The following DDX17 variants were observed in gnomAD, a reference collection of about 807,000 sequenced individuals.
The protein encoded by DDX17 is probable ATP-dependent RNA helicase DDX17.
Under a neutral mutation model 80.8 loss-of-function variants are expected in DDX17, and 10 were observed. The observed-to-expected ratio is 0.12, with a 90% CI of 0.08 to 0.21. DDX17 has a LOEUF of 0.21. Among genes scored for constraint, DDX17 ranks in the 10% least tolerant of loss-of-function variants. DDX17 has a pLI of 1.00. For synonymous variants in DDX17, 339 were observed against 336.2 expected, an observed-to-expected ratio of 1.01 and a Z score of -0.09; for missense variants, 586 against 957.4, an observed-to-expected ratio of 0.61 and a Z score of 5.12.
rs1047270013 is a variant in DDX17, at chr22:38,484,105, G to A, written c.*1830C>T. On this transcript the variant is annotated 3_prime_UTR_variant, in exon 13 of 13. Transcript: ENST00000403230. The stretch of plus-strand genomic sequence containing the variant: ...GAAAAAAACCCAGAATTTGGTTGTA[G>A]AAAACAATGCCCACAACAGACTGGC... 6.6e-6 allele frequency: 1 copy of A among 152,472 alleles called. No homozygotes were observed. The highest frequency in any genetic ancestry group is 6.6e-5 in the Admixed American group (1 of 15,256). 9.4% of individuals were successfully genotyped at this position (152,472 alleles called of 1,614,324 possible).
At chr22:38,503,395 G>A (rs2145712600) in intron 1 of DDX17, among the ~76,000 whole-genome samples, 1 of 152,216 alleles carries the variant, frequency 6.6e-6, no homozygotes, top group South Asian at 2.1e-4. Context: ...TTCCTGTTAA[G>A]GCTTTAAACT....
At position 38,506,068 on chromosome 22, in the gene DDX17, G is replaced by A. The variant is rs1244673695; in HGVS notation, c.170C>T (p.Pro57Leu). ...CGGGCTCGGGAGGGCCTGCGGCTCCGGTCTGGTGACGACCGATGGCGGCGG... is the reference window on the plus strand; with the variant it reads ...CGGGCTCGGGAGGGCCTGCGGCTCCAGTCTGGTGACGACCGATGGCGGCGG... The change falls in exon 1 of 13, where the codon CCG (proline) becomes CTG (leucine). Residue 57 changes from proline to leucine, a missense_variant. By Grantham distance (98) the Pro-to-Leu change is moderately conservative. Coordinates refer to ENST00000403230, the MANE Select transcript of DDX17 (RefSeq NM_006386.5). 5.0e-6 allele frequency: 8 copies of A among 1,584,792 alleles called. No individual in the cohort carries two copies. The highest frequency in any genetic ancestry group is 1.8e-5 in the Admixed American group (1 of 54,244).
intron 1 of DDX17, among the ~76,000 whole-genome samples, chr22:38,503,949 A>AT (rs2089855346): frequency 6.6e-6 from 1 of 152,232 alleles, no homozygotes; most frequent in Non-Finnish European, 1.5e-5. Flanking sequence ...TTCGTTTGAA[A>AT]TTTTTAAAAA....
intron 10 of DDX17, 173 bp downstream of exon 10, chr22:38,493,537 A>G (rs1569139133): frequency 3.3e-6 from 2 of 608,892 alleles, no homozygotes; most frequent in East Asian, 2.8e-5. Flanking sequence ...CTTTTGTCCT[A>G]AAACAGCAGT....
intron 2 of DDX17, among the ~76,000 whole-genome samples, chr22:38,500,914 T>C (rs2089822785): frequency 6.8e-6 from 1 of 147,154 alleles, no homozygotes; most frequent in Non-Finnish European, 1.5e-5. Context: ...GTAGTTTGCT[T>C]GAGCTAGGGA....
chr22:38,503,151 CAT>C (rs1491269927), intron 1 of DDX17, among the ~76,000 whole-genome samples: 1 of 152,162 alleles, frequency 6.6e-6, no homozygotes, highest in Non-Finnish European at 1.5e-5. Flanking sequence ...GTGTCAGCGA[CAT>C]ATTTAATATG....
intron 1 of DDX17, chr22:38,505,219 A>C (rs1334839638): frequency 6.6e-6 from 1 of 152,218 alleles, no homozygotes; most frequent in African/African-American, 2.4e-5. Context: ...CACAATACCA[A>C]GAACTTTCTA....
intron 1 of DDX17, among the ~76,000 whole-genome samples, chr22:38,503,993 T>C (rs539577035): frequency 6.6e-6 from 1 of 152,350 alleles, no homozygotes; most frequent in South Asian, 2.1e-4. Context: ...GGATCAGTAA[T>C]TCACTTTTTT....
chr22:38,489,770 C>A lies in DDX17; in HGVS notation c.1448-1655G>T. 1.0e-6 allele frequency: 1 copy of A among 985,450 alleles called. No homozygotes were observed. Among genetic ancestry groups the A allele is most frequent in the Non-Finnish European group, 1.2e-6 (1 of 830,026 alleles). The allele number at this position is 985,450 out of a possible 1,614,324, so 61.0% of individuals were successfully genotyped here. On this transcript the variant is annotated intron_variant, in intron 11 of 12. Transcript: ENST00000403230. The surrounding 1 kb of genome is among the most constrained non-coding windows in gnomAD (Gnocchi z 4.6). ...ACGAGAAGGCACTTATCACAGGGGG[C>A]AGCTTGAGTCTCCGGCTAGGGTCGT... is the stretch of plus-strand genomic sequence containing the variant.
intron 1 of DDX17, among the ~76,000 whole-genome samples, chr22:38,502,304 C>G (rs1270257560): frequency 6.6e-6 from 1 of 151,326 alleles, no homozygotes; most frequent in Non-Finnish European, 1.5e-5. Flanking sequence ...TCCCTAGCTA[C>G]TTGGGAGGCT....
rs904913298 is a variant in DDX17 at position 38,506,011 on chromosome 22, G to A, written c.227C>T (p.Pro76Leu). The A allele has an allele frequency of 6.3e-7, 1 of 1,593,020 alleles. No individual in the cohort carries two copies. The highest frequency in any genetic ancestry group is 1.1e-5 in the South Asian group (1 of 87,770). ...GCCTCCTCCGCGCATGGTCCCAAAA[G>A]GATAGAGATCTGGGAGCGGGGCACG... The change falls in exon 1 of 13, where the codon CCT becomes CTT. Residue 76 changes from proline to leucine, a missense_variant. By Grantham distance (98) the Pro-to-Leu change is moderately conservative. This residue lies in a region of DDX17 where 215 missense variants were observed against 238.4 expected (regional missense o/e 0.90). Transcript: ENST00000403230.
At chr22:38,498,893 T>C (rs1172510825) in intron 3 of DDX17, among the ~76,000 whole-genome samples, 1 of 152,182 alleles carries the variant, frequency 6.6e-6, no homozygotes, top group Non-Finnish European at 1.5e-5. Flanking sequence ...TGGGCCCTTG[T>C]AATTCCAGCT....
Position 38,501,820 on chromosome 22 carries a change from T to C in DDX17, c.288-540A>G, listed in dbSNP as rs77989858. ...TACTAGGTACCAAGTATGTATCGGC[T>C]ACTGTTTGAAGTGGTGCTGTGCTGG... On this transcript the variant is annotated intron_variant, in intron 1 of 12. Coordinates refer to ENST00000403230, the MANE Select transcript of DDX17 (RefSeq NM_006386.5). 8.5e-3 allele frequency among the ~76,000 whole-genome samples: 1,297 copies of C among 152,348 alleles called. 24 individuals carry two copies. Among genetic ancestry groups the C allele is most frequent in the African/African-American group, 0.03 (1,259 of 41,570 alleles).
In DDX17 at chr22:38,484,029, CGA is replaced by C. The variant is rs773412087; in HGVS notation, c.*1904_*1905del. ...CTCAAACAGATGCTTTCAAGAGCTG[CGA>C]GAGAGTAGGGCATCCCTTGTGGTGG... On this transcript the variant is annotated 3_prime_UTR_variant, in exon 13 of 13. Coordinates refer to ENST00000403230, the MANE Select transcript of DDX17 (RefSeq NM_006386.5). 5.2e-5 allele frequency: 8 copies of C among 152,558 alleles called. No individual in the cohort carries two copies. Among genetic ancestry groups the C allele is most frequent in the South Asian group, 2.1e-4 (1 of 4,808 alleles). The allele number at this position is 152,558 out of a possible 1,614,324, so 9.5% of individuals were successfully genotyped here.
At position 38,494,820 on chromosome 22, in the gene DDX17, GCTTT is replaced by G; in HGVS notation, c.1042-22_1042-19del. The G allele has an allele frequency of 6.2e-7, 1 of 1,614,022 alleles. No homozygotes were observed. Among genetic ancestry groups the G allele is most frequent in the Non-Finnish European group, 8.5e-7 (1 of 1,179,942 alleles). ...CTATCAGGCTATCAAAAAAGGAAAGGCTTTCTTTCAGGCTAAGGAACTTGGACAA... is the reference window on the plus strand; with the variant it reads ...CTATCAGGCTATCAAAAAAGGAAAGGCTTTCAGGCTAAGGAACTTGGACAA... On this transcript the variant is annotated intron_variant, in intron 7 of 12. Coordinates refer to ENST00000403230, the MANE Select transcript of DDX17 (RefSeq NM_006386.5).
chr22:38,506,258 G>C lies in DDX17; in HGVS notation c.-21C>G. 2 of 1,586,154 alleles carry C rather than the reference G, an allele frequency of 1.3e-6. No homozygotes were observed. Among genetic ancestry groups the C allele is most frequent in the Non-Finnish European group, 1.7e-6 (2 of 1,168,696 alleles). On this transcript the variant is annotated 5_prime_UTR_variant, in exon 1 of 13. Transcript: ENST00000403230. ...GGCAGGTTTGGCTACGCTCAAACCG[G>C]GCAGTGCCGCGGTTTAGGCGTCTCC...
chr22:38,493,848 C>G, intron 9 of DDX17, 77 bp from the exon 10 acceptor site: 1 of 1,462,854 alleles, frequency 6.8e-7, no homozygotes, highest in Non-Finnish European at 9.6e-7. Context: ...CAAATGCTAT[C>G]ATGCAATTTT....
chr22:38,497,383 C>T (rs1034596379), intron 5 of DDX17, among the ~76,000 whole-genome samples: 6 of 139,018 alleles, frequency 4.3e-5, no homozygotes, highest in Non-Finnish European at 9.2e-5. Context: ...TTGGGGAGGC[C>T]GAGGCAGGCA....
intron 2 of DDX17, 67 bp from the exon 3 acceptor site, chr22:38,499,566 G>C: frequency 7.8e-7 from 1 of 1,275,980 alleles, no homozygotes. Context: ...TATGTTCCAA[G>C]CTAGCTGAGC....
Sources: gnomAD v4.1 joint callset for allele counts (sites outside exome capture counted in the v4.1 genomes callset) on GRCh38, gnomAD v4.1.1 for gene constraint, gnomAD v4.1.1 regional missense constraint, Gnocchi (gnomAD v3.1) non-coding constraint, MANE v1.5 for transcripts, NCBI Gene and HGNC (gene_info 2026-07-23, HGNC 2026-07-21) for gene names.